Variants in SLC26A8 observed in about 807,000 individuals in gnomAD.
SLC26A8 encodes testis anion transporter 1.
In SLC26A8, 70 loss-of-function variants were observed where a neutral mutation model predicts 105.0. The ratio of observed to expected loss-of-function variants is 0.67; its 90% confidence interval spans 0.55 to 0.81. The LOEUF (loss-of-function observed/expected upper bound fraction) is 0.81. Among genes scored for constraint, SLC26A8 ranks in the 40% least tolerant of loss-of-function variants. The probability of loss-of-function intolerance (pLI) is 0.00; values close to 1 mark genes in which losing one functional copy is unlikely to be tolerated. For missense variants in SLC26A8, 998 were observed against 1,181.8 expected (o/e 0.84, Z 2.28); for synonymous variants, 415 against 438.3 (o/e 0.95, Z 0.66).
chr6:35,989,955 T>TTTTC (rs1773697807), intron 7 of SLC26A8: 1 of 92,710 alleles, frequency 1.1e-5, no homozygotes, highest in African/African-American at 3.8e-5. Flanking sequence ...TTTTTTTTTT[T>TTTTC]GAGACGGAGT....
At chr6:36,009,836 A>G (rs1199226813) in intron 3 of SLC26A8, among the ~76,000 whole-genome samples, 1 of 152,182 alleles carries the variant, frequency 6.6e-6, no homozygotes, top group East Asian at 1.9e-4. Flanking sequence ...AGATATTACC[A>G]TTGGGGAAAC....
intron 3 of SLC26A8, among the ~76,000 whole-genome samples, chr6:36,002,644 T>G (rs1005702324): frequency 6.6e-6 from 1 of 152,180 alleles, no homozygotes. Flanking sequence ...AGTATGTATA[T>G]TATAAATAAA....
At chr6:36,009,001 G>A (rs651622) in intron 3 of SLC26A8, among the ~76,000 whole-genome samples, 40,107 of 152,132 alleles carry the variant, frequency 0.26, 5,484 homozygotes, top group African/African-American at 0.34. Context: ...CTCCAGCAAT[G>A]TACTACACTC....
intron 1 of SLC26A8, among the ~76,000 whole-genome samples, chr6:36,022,615 C>G (rs1762153567): frequency 6.6e-6 from 1 of 152,122 alleles, no homozygotes. Flanking sequence ...GTTATCAAGT[C>G]ATAAACTCCT....
rs568126801 is a variant in SLC26A8, at chr6:35,951,478, C to T, written c.2254G>A (p.Ala752Thr). The T allele has an allele frequency of 5.1e-5, 83 of 1,614,058 alleles. 2 individuals carry two copies. In the South Asian group the frequency reaches 6.6e-4, roughly 13 times the overall value. The change falls in exon 18 of 20, where the codon GCC becomes ACC. Residue 752 changes from alanine (A) to threonine (T), a missense_variant. By Grantham distance (58) the Ala-to-Thr change is moderately conservative (BLOSUM62 0). Coordinates refer to ENST00000490799, the MANE Select transcript of SLC26A8 (RefSeq NM_052961.4). ...LRQICNAFQN[A>T]NILILIAGCH... is the part of the protein sequence containing the mutation. The stretch of plus-strand genomic sequence containing the variant: ...CCTGCAATGAGTATCAAAATGTTGG[C>T]GTTTTGAAAGGCATTGCATATCTGT...
intron 1 of SLC26A8, chr6:36,024,263 GCAAAACGCA>G (rs1762203392): frequency 3.1e-6 from 1 of 323,644 alleles, no homozygotes; most frequent in Non-Finnish European, 6.1e-6. Context: ...GATGCAGCTT[GCAAAACGCA>G]CACACTGTTG....
chr6:35,977,466 A>T, intron 8 of SLC26A8, 115 bp from the exon 9 acceptor site: 1 of 1,151,794 alleles, frequency 8.7e-7, no homozygotes, highest in South Asian at 1.8e-5. Context: ...TTTAATAACA[A>T]TAGGGACAAG....
chr6:35,978,348 AT>A (rs1351385134), intron 8 of SLC26A8, among the ~76,000 whole-genome samples: 1 of 152,104 alleles, frequency 6.6e-6, no homozygotes, highest in Non-Finnish European at 1.5e-5. Context: ...AATCTTGATG[AT>A]TTGGGGAGAG....
At position 35,943,806 on chromosome 6, in the gene SLC26A8, A is replaced by C; in HGVS notation, c.*94T>G. On this transcript the variant is annotated 3_prime_UTR_variant, in exon 20 of 20. Coordinates refer to ENST00000490799, the MANE Select transcript of SLC26A8 (RefSeq NM_052961.4). The stretch of plus-strand genomic sequence containing the variant: ...TCACAGTCAGGAAGGAAGTACTGCT[A>C]GTTCGTATCCAGTCTAGGTCTCTGG... 3 of 1,520,016 alleles carry C rather than the reference A, an allele frequency of 2.0e-6. No individual in the cohort carries two copies. The Admixed American group carries it at 6.2e-5, about 31-fold the overall frequency. The allele number at this position is 1,520,016 out of a possible 1,614,324, so 94.2% of individuals were successfully genotyped here. A position where few individuals can be genotyped will look rare whatever the true frequency, so the allele number is the denominator to read the frequency against.
intron 16 of SLC26A8, among the ~76,000 whole-genome samples, chr6:35,956,661 T>G (rs564204542): frequency 2.0e-4 from 30 of 152,188 alleles, no homozygotes; most frequent in African/African-American, 7.0e-4. Flanking sequence ...GGCTCACACC[T>G]GTAATCCCAG....
rs530768663 is a variant in SLC26A8 at position 35,963,139 on chromosome 6, G to A, written c.1366-518C>T. Among the ~76,000 whole-genome samples the A allele has an allele frequency of 5.3e-5, 8 of 152,250 alleles. No individual in the cohort carries two copies. The East Asian group carries it at 1.5e-3, about 29-fold the overall frequency. On this transcript the variant is annotated intron_variant, in intron 11 of 19. Coordinates refer to ENST00000490799, the MANE Select transcript of SLC26A8 (RefSeq NM_052961.4). ...TGAGAGGAAGAGTAACTTGAGGAAAGTGAAAATCACCTCCTTACCATTGAG... is the reference window on the plus strand; with the variant it reads ...TGAGAGGAAGAGTAACTTGAGGAAAATGAAAATCACCTCCTTACCATTGAG...
In SLC26A8 at chr6:35,988,189, G is replaced by A. The variant is rs531681699; in HGVS notation, c.942+3470C>T. ...GCCTCCCAAAGTGCTGAGATTATAGGCGTGAGCCACCGTGCCCGGCCCCGA... is the reference window on the plus strand; with the variant it reads ...GCCTCCCAAAGTGCTGAGATTATAGACGTGAGCCACCGTGCCCGGCCCCGA... On this transcript the variant is annotated intron_variant, in intron 7 of 19. Transcript: ENST00000490799. 3.9e-5 allele frequency among the ~76,000 whole-genome samples: 6 copies of A among 152,256 alleles called. No individual in the cohort carries two copies. The South Asian group carries it at 1.2e-3, about 32-fold the overall frequency.
intron 11 of SLC26A8, among the ~76,000 whole-genome samples, chr6:35,964,555 G>T (rs571990386): frequency 2.0e-5 from 3 of 152,108 alleles, no homozygotes; most frequent in South Asian, 2.1e-4. Context: ...GCTGAGGCAT[G>T]AGAATCGCTT....
intron 19 of SLC26A8, among the ~76,000 whole-genome samples, chr6:35,948,716 A>T (rs1229715971): frequency 6.6e-6 from 1 of 152,252 alleles, no homozygotes; most frequent in Non-Finnish European, 1.5e-5. Context: ...ATAACATATC[A>T]GTAGGGGAAA....
chr6:36,009,572 T>C (rs1443940213), intron 3 of SLC26A8, among the ~76,000 whole-genome samples: 1 of 152,196 alleles, frequency 6.6e-6, no homozygotes, highest in African/African-American at 2.4e-5. Context: ...CAAAGAATTA[T>C]GAGGGAAAAA....
intron 7 of SLC26A8, among the ~76,000 whole-genome samples, chr6:35,988,007 G>A (rs1444711966): frequency 1.3e-5 from 2 of 150,504 alleles, no homozygotes; most frequent in South Asian, 2.1e-4. Flanking sequence ...CGCCTCCCGG[G>A]TTAAGTGATT....
chr6:35,960,627 C>G lies in SLC26A8; in HGVS notation c.1638+216G>C, dbSNP rs143476228. On this transcript the variant is annotated intron_variant, in intron 14 of 19. Transcript: ENST00000490799. ...GCCAAGATCAAGCCACTGCACTGTA[C>G]TGTCCAGCTTGGGTGACAGAGCAAG... is the stretch of plus-strand genomic sequence containing the variant. The G allele has an allele frequency of 1.1e-3, 627 of 587,688 alleles. 4 individuals carry two copies. The African/African-American group carries it at 0.011, about 10-fold the overall frequency. 36.4% of individuals were successfully genotyped at this position (587,688 alleles called of 1,614,324 possible).
chr6:36,002,299 T>C (rs1163608293), intron 3 of SLC26A8, among the ~76,000 whole-genome samples: 1 of 152,202 alleles, frequency 6.6e-6, no homozygotes, highest in African/African-American at 2.4e-5. Context: ...TGTCTTTGTT[T>C]CCAGTTTGGG....
Position 35,959,610 on chromosome 6 carries a change from C to T in SLC26A8, c.1732-19G>A. The T allele has an allele frequency of 1.2e-6, 2 of 1,610,610 alleles. No individual in the cohort carries two copies. Among genetic ancestry groups the T allele is most frequent in the Non-Finnish European group, 1.7e-6 (2 of 1,179,028 alleles). On this transcript the variant is annotated intron_variant, in intron 15 of 19. Coordinates refer to ENST00000490799, the MANE Select transcript of SLC26A8 (RefSeq NM_052961.4). ...TATCAACCTGAAAGACATGAGAGGT[C>T]TCATCCAGAGGAAGAATGGTGGAAC...
Sources: gnomAD v4.1 joint callset for allele counts (sites outside exome capture counted in the v4.1 genomes callset) on GRCh38, gnomAD v4.1.1 for gene constraint, MANE v1.5 for transcripts, NCBI Gene and HGNC (gene_info 2026-07-23, HGNC 2026-07-21) for gene names.